The following ABCC8 variants were observed in gnomAD, a reference collection of about 807,000 sequenced individuals.
ABCC8 encodes ATP-binding cassette sub-family C member 8.
A neutral mutation model predicts 188.0 loss-of-function variants in ABCC8; 137 were observed. The observed-to-expected ratio is 0.73, with a 90% CI of 0.63 to 0.84. The LOEUF is 0.84. ABCC8 is among the 40% of genes least tolerant of loss of function. The pLI is 0.00. For missense variants in ABCC8, 1,750 were observed against 2,072.7 expected (o/e 0.84, Z 3.02); for synonymous variants, 797 against 846.5 (o/e 0.94, Z 1.01).
rs145654994 is a variant in ABCC8, at chr11:17,430,792, C to A, written c.1817+22G>T. The A allele has an allele frequency of 1.5e-4, 249 of 1,613,074 alleles. 2 individuals carry two copies. The African/African-American group carries it at 3.0e-3, about 20-fold the overall frequency. On this transcript the variant is annotated intron_variant, in intron 12 of 38. Coordinates refer to ENST00000389817, the MANE Select transcript of ABCC8 (RefSeq NM_000352.6). ...ACACAGGACCTGCCTGCCCAGTGCC[C>A]TCGCCCGGACCCTCCCCTCACCTCA...
intron 7 of ABCC8, among the ~76,000 whole-genome samples, chr11:17,449,254 A>T (rs1956665171): frequency 6.6e-6 from 1 of 152,116 alleles, no homozygotes; most frequent in Non-Finnish European, 1.5e-5. Flanking sequence ...GCAGATCTTC[A>T]TGTCCACTTG....
rs1245513767 is a variant in ABCC8, at chr11:17,430,955, A to G, written c.1676T>C (p.Phe559Ser). 3.1e-6 allele frequency: 5 copies of G among 1,613,996 alleles called. No homozygotes were observed. Among genetic ancestry groups the G allele is most frequent in the Admixed American group, 1.7e-5 (1 of 60,014 alleles). The change falls in exon 12 of 39, where the codon TTC becomes TCC. Residue 559 changes from phenylalanine (F) to serine (S), a missense_variant. By Grantham distance (155) the Phe-to-Ser change is radical (BLOSUM62 -2). Transcript: ENST00000389817. ...AIPIAAVLIT[F>S]VGHVSFFKEA... is the part of the protein sequence containing the mutation. ...TTTGAAGAAGCTGACGTGGCCCACG[A>G]AAGTCTGTGGACAGAGGCACAAGTG...
intron 24 of ABCC8, 98 bp downstream of exon 24, chr11:17,407,256 G>T: frequency 3.1e-6 from 5 of 1,609,794 alleles, no homozygotes; most frequent in Non-Finnish European, 4.2e-6. Context: ...TTAATCAAAG[G>T]CACACTACTG....
In ABCC8 at chr11:17,430,926, C is replaced by G. The variant is rs1591804906; in HGVS notation, c.1705G>C (p.Ala569Pro). 1.2e-6 allele frequency: 2 copies of G among 1,614,214 alleles called. No homozygotes were observed. The highest frequency in any genetic ancestry group is 1.7e-6 in the Non-Finnish European group (2 of 1,180,028). Reference sequence around the variant, plus strand: ...AAGGCCACGGAGGGCGAGAAGTCGGCCTCTTTGAAGAAGCTGACGTGGCCC... The same window carrying G: ...AAGGCCACGGAGGGCGAGAAGTCGGGCTCTTTGAAGAAGCTGACGTGGCCC... Reference protein sequence around the residue: ...FVGHVSFFKEADFSPSVAFAS... With the variant: ...FVGHVSFFKEPDFSPSVAFAS... The change falls in exon 12 of 39, where the codon GCC becomes CCC. Residue 569 changes from alanine (A) to proline (P), a missense_variant. By Grantham distance (27) the Ala-to-Pro change is conservative. Transcript: ENST00000389817.
intron 8 of ABCC8, among the ~76,000 whole-genome samples, chr11:17,445,728 G>T (rs917762311): frequency 6.6e-6 from 1 of 150,434 alleles, no homozygotes; most frequent in African/African-American, 2.4e-5. Flanking sequence ...TACAAACACA[G>T]AAAACCAAAG....
At chr11:17,405,811 C>T (rs1418880576) in intron 26 of ABCC8, among the ~76,000 whole-genome samples, 1 of 152,192 alleles carries the variant, frequency 6.6e-6, no homozygotes, top group Non-Finnish European at 1.5e-5. Context: ...TCTCAGCTGC[C>T]GGCTCGGCCT....
chr11:17,395,485 AAGGGCATGAGC>A, intron 35 of ABCC8, 114 bp downstream of exon 35: 1 of 1,467,300 alleles, frequency 6.8e-7, no homozygotes, highest in Non-Finnish European at 9.2e-7. Flanking sequence ...TGGGATGGAG[AAGGGCATGAGC>A]AGGAAACACC....
chr11:17,418,691 C>A (rs578034940), intron 16 of ABCC8, among the ~76,000 whole-genome samples: 1 of 152,292 alleles, frequency 6.6e-6, no homozygotes, highest in Admixed American at 6.5e-5. Flanking sequence ...CAGGCCCTAA[C>A]TCAGTTTGCA....
rs886039301 is a variant in ABCC8 at position 17,397,007 on chromosome 11, T to C, written c.4028A>G (p.Lys1343Arg). The change falls in exon 33 of 39, where the codon AAG (lysine) becomes AGG (arginine). Residue 1343 changes from lysine to arginine, a missense_variant. By Grantham distance (26) the Lys-to-Arg change is conservative (BLOSUM62 2). Transcript: ENST00000389817. Reference protein sequence around the residue: ...LIPKNWPDQGKIQIQNLSVRY... With the variant: ...LIPKNWPDQGRIQIQNLSVRY... The stretch of plus-strand genomic sequence containing the variant: ...CACGCTCAGGTTCTGGATCTGGATC[T>C]TCCCTTGGTCTGGCCAGTTCTTTGG... 2 of 1,614,084 alleles carry C rather than the reference T, an allele frequency of 1.2e-6. No individual in the cohort carries two copies. Among genetic ancestry groups the C allele is most frequent in the Non-Finnish European group, 8.5e-7 (1 of 1,180,022 alleles).
intron 16 of ABCC8, among the ~76,000 whole-genome samples, chr11:17,421,897 G>T (rs1488086957): frequency 6.6e-6 from 1 of 152,166 alleles, no homozygotes; most frequent in African/African-American, 2.4e-5. Flanking sequence ...CCAACTTCCT[G>T]CCTTGTGCCT....
At chr11:17,440,835 C>G (rs551273068) in intron 10 of ABCC8, among the ~76,000 whole-genome samples, 1 of 152,324 alleles carries the variant, frequency 6.6e-6, no homozygotes, top group East Asian at 1.9e-4. Context: ...TCCCCAGTCC[C>G]CTAGACAGGG....
intron 12 of ABCC8, chr11:17,428,931 G>A (rs553820751): frequency 3.4e-6 from 2 of 583,810 alleles, no homozygotes; most frequent in Admixed American, 3.1e-5. Context: ...TAATGTTGAA[G>A]TTAGTTAGTC....
chr11:17,402,685 CCTT>C lies in ABCC8; in HGVS notation c.3623_3625del (p.Glu1208del). On this transcript the variant is annotated inframe_deletion, in exon 29 of 39. Coordinates refer to ENST00000389817, the MANE Select transcript of ABCC8 (RefSeq NM_000352.6). ...CCTGAAGGCCCGGATGGTGGTGAGT[CCTT>C]CTACGGTTTCGGCAAAGTGTGAGAG... 5 of 1,614,232 alleles carry C rather than the reference CCTT, an allele frequency of 3.1e-6. No individual in the cohort carries two copies. The highest frequency in any genetic ancestry group is 3.4e-6 in the Non-Finnish European group (4 of 1,180,050).
intron 7 of ABCC8, among the ~76,000 whole-genome samples, chr11:17,449,909 G>A (rs1195882898): frequency 6.6e-6 from 1 of 152,094 alleles, no homozygotes; most frequent in African/African-American, 2.4e-5. Context: ...TAAAATAATG[G>A]CAATGACATT....
At chr11:17,419,590 T>A (rs1332705312) in intron 16 of ABCC8, among the ~76,000 whole-genome samples, 4 of 152,242 alleles carry the variant, frequency 2.6e-5, no homozygotes, top group Non-Finnish European at 5.9e-5. Flanking sequence ...GTGTATCTTT[T>A]CTAATGTAAT....
chr11:17,426,807 C>A (rs1193449059), intron 16 of ABCC8, among the ~76,000 whole-genome samples: 1 of 152,112 alleles, frequency 6.6e-6, no homozygotes, highest in African/African-American at 2.4e-5. Flanking sequence ...ACAGTATGGA[C>A]CTTGTTAGTT....
chr11:17,396,583 T>C, intron 33 of ABCC8: 1 of 370,382 alleles, frequency 2.7e-6, no homozygotes, highest in South Asian at 2.7e-5. Context: ...GTCCCTGCCC[T>C]GAAGCTCGGG....
chr11:17,397,096 C>A (rs777835237), intron 32 of ABCC8, 50 bp from the exon 33 acceptor site: 14 of 1,613,952 alleles, frequency 8.7e-6, no homozygotes, highest in Non-Finnish European at 1.2e-5. Flanking sequence ...CAGCTAGTAT[C>A]CGAAAGTGCC....
At position 17,395,619 on chromosome 11, in the gene ABCC8, C is replaced by T; in HGVS notation, c.4298G>A (p.Gly1433Asp). 6.4e-7 allele frequency: 1 copy of T among 1,552,420 alleles called. No homozygotes were observed. The highest frequency in any genetic ancestry group is 8.7e-7 in the Non-Finnish European group (1 of 1,149,054). The change falls in exon 35 of 39, where the codon GGC becomes GAC. Residue 1433 changes from glycine (G) to aspartate (D), a missense_variant. Transcript: ENST00000389817. ...IILQDPVLFSGTIRFNLDPER... is the reference protein window; with the variant it reads ...IILQDPVLFSDTIRFNLDPER... ...GGGTGGTGGGGCTCACCGGATGGTG[C>T]CGCTGAAGAGGACGGGGTCCTGCAG... is the stretch of plus-strand genomic sequence containing the variant.
Sources: allele counts gnomAD v4.1 joint callset (sites outside exome capture counted in the v4.1 genomes callset), GRCh38; gene constraint gnomAD v4.1.1; transcripts MANE v1.5; gene names NCBI Gene and HGNC (gene_info 2026-07-23, HGNC 2026-07-21).